TAOK3: variants seen among roughly 807,000 people sequenced by gnomAD.
The protein encoded by TAOK3 is serine/threonine-protein kinase TAO3.
A neutral mutation model predicts 120.4 loss-of-function variants in TAOK3; 40 were observed. The ratio of observed to expected loss-of-function variants is 0.33; its 90% CI spans 0.26 to 0.43. The LOEUF (loss-of-function observed/expected upper bound fraction) is 0.43. TAOK3 is among the 20% of genes least tolerant of loss of function. The pLI is 1.00. For synonymous variants in TAOK3, 355 were observed against 387.5 expected (o/e 0.92, Z 0.99); for missense variants, 821 against 1,112.1 (o/e 0.74, Z 3.72).
At chr12:118,184,556 G>C (rs1476364095) in intron 14 of TAOK3, among the ~76,000 whole-genome samples, 1 of 152,140 alleles carries the variant, frequency 6.6e-6, no homozygotes, top group Non-Finnish European at 1.5e-5. Context: ...ATTGCCTGAG[G>C]AAATTCATAT....
At chr12:118,176,744 A>AAT (rs2036360990) in intron 16 of TAOK3, among the ~76,000 whole-genome samples, 1 of 152,112 alleles carries the variant, frequency 6.6e-6, no homozygotes, top group South Asian at 2.1e-4. Flanking sequence ...GTGGGTTAGC[A>AAT]ATCTGTTTTA....
chr12:118,368,213 T>C (rs1475034636), intron 1 of TAOK3, among the ~76,000 whole-genome samples: 1 of 152,172 alleles, frequency 6.6e-6, no homozygotes, highest in African/African-American at 2.4e-5. Flanking sequence ...TTATTATTTT[T>C]TGAGACGGAG....
chr12:118,303,417 G>A (rs1328721449), intron 1 of TAOK3, among the ~76,000 whole-genome samples: 1 of 152,136 alleles, frequency 6.6e-6, no homozygotes, highest in Non-Finnish European at 1.5e-5. Context: ...CAGAATGTAC[G>A]TGTGCAAAGA....
At chr12:118,235,517 G>A in intron 8 of TAOK3, 41 bp downstream of exon 8, 1 of 1,495,256 alleles carries the variant, frequency 6.7e-7, no homozygotes. Context: ...GTTCATGTAT[G>A]CAGATTTTAA....
At chr12:118,214,948 T>C (rs1261170175) in intron 9 of TAOK3, among the ~76,000 whole-genome samples, 1 of 151,672 alleles carries the variant, frequency 6.6e-6, no homozygotes, top group Admixed American at 6.6e-5. Context: ...TTTCTCCACG[T>C]TGGTCAGGCT....
chr12:118,360,567 CAA>C (rs34592832), intron 1 of TAOK3, among the ~76,000 whole-genome samples: 4 of 86,350 alleles, frequency 4.6e-5, no homozygotes, highest in African/African-American at 4.7e-5. Flanking sequence ...GACTCCGTCT[CAA>C]AAAAAAAAAA....
At chr12:118,347,974 C>T (rs1392190524) in intron 1 of TAOK3, among the ~76,000 whole-genome samples, 1 of 152,190 alleles carries the variant, frequency 6.6e-6, no homozygotes, top group African/African-American at 2.4e-5. Flanking sequence ...TAAATGGTTC[C>T]TCACTATCTA....
intron 1 of TAOK3, chr12:118,359,113 C>T (rs1345956463): frequency 6.6e-6 from 1 of 152,146 alleles, no homozygotes; most frequent in Admixed American, 6.5e-5. Flanking sequence ...GCACCTTCAT[C>T]CCGAGAAAGG....
intron 1 of TAOK3, among the ~76,000 whole-genome samples, chr12:118,275,448 T>A (rs1477098061): frequency 2.6e-5 from 4 of 152,220 alleles, no homozygotes; most frequent in Middle Eastern, 3.2e-3. Flanking sequence ...CATTATTCAA[T>A]CTTATGCCCC....
chr12:118,172,125 T>C (rs1348065007), intron 17 of TAOK3, among the ~76,000 whole-genome samples: 4 of 152,226 alleles, frequency 2.6e-5, no homozygotes, highest in Non-Finnish European at 5.9e-5. Flanking sequence ...GTCACAAAAA[T>C]ACAAGTCCTT....
At chr12:118,246,306 A>G in intron 3 of TAOK3, 2 of 1,588,828 alleles carry the variant, frequency 1.3e-6, no homozygotes, top group Non-Finnish European at 1.7e-6. Flanking sequence ...GGACATGAAG[A>G]TCAAGTCCCT....
chr12:118,293,598 C>T (rs1391795424), intron 1 of TAOK3, among the ~76,000 whole-genome samples: 6 of 150,594 alleles, frequency 4.0e-5, no homozygotes, highest in East Asian at 2.0e-4. Flanking sequence ...CCCTTGAACC[C>T]GGGAGGCAGA....
intron 1 of TAOK3, among the ~76,000 whole-genome samples, chr12:118,330,786 G>T (rs2141019270): frequency 6.6e-6 from 1 of 151,392 alleles, no homozygotes; most frequent in Admixed American, 6.6e-5. Context: ...GGTAGAAAGA[G>T]CCAGAAAGGG....
At chr12:118,253,365 A>G (rs2040838122) in intron 3 of TAOK3, among the ~76,000 whole-genome samples, 1 of 152,242 alleles carries the variant, frequency 6.6e-6, no homozygotes, top group South Asian at 2.1e-4. Flanking sequence ...AGTTTGGAGA[A>G]GTAGGTAATA....
chr12:118,298,390 T>C (rs1238984130), intron 1 of TAOK3, among the ~76,000 whole-genome samples: 3 of 152,192 alleles, frequency 2.0e-5, no homozygotes, highest in Non-Finnish European at 2.9e-5. Context: ...CTATACTGAA[T>C]TGCAAGGCTC....
chr12:118,289,296 CAAAAAAAAA>C (rs59297201), intron 1 of TAOK3, among the ~76,000 whole-genome samples: 1 of 78,722 alleles, frequency 1.3e-5, no homozygotes, highest in Non-Finnish European at 2.4e-5. Context: ...AAGACTGTCT[CAAAAAAAAA>C]AAAAAAAAAA....
At chr12:118,226,811 T>C (rs1387807758) in intron 9 of TAOK3, among the ~76,000 whole-genome samples, 2 of 152,186 alleles carry the variant, frequency 1.3e-5, no homozygotes, top group African/African-American at 4.8e-5. Flanking sequence ...TCAATTCATT[T>C]TTATAAGAAG....
At chr12:118,349,673 G>A (rs2045048713) in intron 1 of TAOK3, among the ~76,000 whole-genome samples, 1 of 152,018 alleles carries the variant, frequency 6.6e-6, no homozygotes, top group Non-Finnish European at 1.5e-5. Flanking sequence ...GTTAGATAGT[G>A]GTGAGGTTAG....
Position 118,268,603 on chromosome 12 carries a change from T to A in TAOK3, c.-193-1844A>T, listed in dbSNP as rs566352090. 2.6e-5 allele frequency among the ~76,000 whole-genome samples: 4 copies of A among 152,304 alleles called. No homozygotes were observed. The East Asian group carries it at 7.7e-4, about 29-fold the overall frequency. On this transcript the variant is annotated intron_variant, in intron 1 of 20. Transcript: ENST00000392533. ...CACATTTTACCTAACCACTAACCAA[T>A]CAATAACTGCAATGTTTGCATGTCT... is the stretch of plus-strand genomic sequence containing the variant.
Sources: gnomAD v4.1 joint callset for allele counts (sites outside exome capture counted in the v4.1 genomes callset) on GRCh38, gnomAD v4.1.1 for gene constraint, MANE v1.5 for transcripts, NCBI Gene and HGNC (gene_info 2026-07-23, HGNC 2026-07-21) for gene names.